Variants in GRIK1 observed in about 807,000 individuals in gnomAD.
GRIK1 encodes glutamate ionotropic receptor kainate type subunit 1, also known as glutamate receptor ionotropic, kainate 1.
A neutral mutation model predicts 105.7 loss-of-function variants in GRIK1; 69 were observed. That is an observed-to-expected ratio of 0.65 (90% CI 0.54 to 0.80). The LOEUF (loss-of-function observed/expected upper bound fraction) is 0.80. Among genes scored for constraint, GRIK1 ranks in the 30% least tolerant of loss-of-function variants. The pLI, the probability that GRIK1 is intolerant of heterozygous loss-of-function variation, is 0.00. For missense variants in GRIK1, 1,109 were observed against 1,167.3 expected, an observed-to-expected ratio of 0.95 and a Z score of 0.73; for synonymous variants, 438 against 431.3, an observed-to-expected ratio of 1.02 and a Z score of -0.19.
intron 7 of GRIK1, among the ~76,000 whole-genome samples, chr21:29,630,953 C>A (rs932185945): frequency 2.0e-5 from 3 of 151,928 alleles, no homozygotes; most frequent in Non-Finnish European, 4.4e-5. Flanking sequence ...CACTACTATG[C>A]CCAGCTAATT....
chr21:29,847,368 G>A (rs192964739), intron 1 of GRIK1, among the ~76,000 whole-genome samples: 1 of 152,202 alleles, frequency 6.6e-6, no homozygotes, highest in Admixed American at 6.5e-5. Flanking sequence ...GGCCCAGGCG[G>A]GTGGATCACT....
intron 1 of GRIK1, among the ~76,000 whole-genome samples, chr21:29,849,896 T>C (rs1488755964): frequency 6.6e-6 from 1 of 152,172 alleles, no homozygotes; most frequent in Non-Finnish European, 1.5e-5. Flanking sequence ...TGGTGCCCTC[T>C]GGTGCCTCTA....
At chr21:29,789,859 T>C (rs946376541) in intron 1 of GRIK1, among the ~76,000 whole-genome samples, 1 of 152,070 alleles carries the variant, frequency 6.6e-6, no homozygotes. Flanking sequence ...TTTATTTCCG[T>C]GTTGTGAACT....
intron 1 of GRIK1, among the ~76,000 whole-genome samples, chr21:29,869,671 C>A (rs910774704): frequency 6.6e-6 from 1 of 152,126 alleles, no homozygotes; most frequent in Non-Finnish European, 1.5e-5. Flanking sequence ...TAAGTGTAAA[C>A]CCCTGCCCAT....
Position 29,779,335 on chromosome 21 carries a change from AGTGT to A in GRIK1, c.119-85276_119-85273del, listed in dbSNP as rs3054347. ...AAAATATTTTGGAGGTCAGTGAGTG[AGTGT>A]GTGTGTGTGTGTGTGTGTGTGTGCA... On this transcript the variant is annotated intron_variant, in intron 1 of 17. Coordinates refer to ENST00000327783, the MANE Select transcript of GRIK1 (RefSeq NM_001330994.2). 5.7e-3 allele frequency among the ~76,000 whole-genome samples: 849 copies of A among 149,808 alleles called. 9 individuals carry two copies. Among genetic ancestry groups the A allele is most frequent in the African/African-American group, 0.011 (448 of 40,880 alleles).
intron 1 of GRIK1, among the ~76,000 whole-genome samples, chr21:29,927,618 A>G (rs1486898310): frequency 6.6e-6 from 1 of 151,602 alleles, no homozygotes; most frequent in Non-Finnish European, 1.5e-5. Flanking sequence ...CACACCTGTA[A>G]TCCCAGCACT....
At position 29,727,195 on chromosome 21, in the gene GRIK1, G is replaced by A. The variant is rs117104602; in HGVS notation, c.119-33132C>T. Among the ~76,000 whole-genome samples the A allele has an allele frequency of 5.3e-5, 8 of 152,226 alleles. No homozygotes were observed. The East Asian group carries it at 1.5e-3, about 29-fold the overall frequency. ...TCTGCCTCAGCCTTCCAAAGTGCTGGGATTACAGGCATGAGCTACCGTGCT... is the reference window on the plus strand; with the variant it reads ...TCTGCCTCAGCCTTCCAAAGTGCTGAGATTACAGGCATGAGCTACCGTGCT... On this transcript the variant is annotated intron_variant, in intron 1 of 17. Coordinates refer to ENST00000327783, the MANE Select transcript of GRIK1 (RefSeq NM_001330994.2).
At chr21:29,815,652 T>C (rs558801950) in intron 1 of GRIK1, among the ~76,000 whole-genome samples, 46 of 152,300 alleles carry the variant, frequency 3.0e-4, no homozygotes, top group Non-Finnish European at 5.0e-4. Context: ...ATAAAAAGAA[T>C]GCATTTATAA....
At chr21:29,808,993 A>G (rs1463549789) in intron 1 of GRIK1, among the ~76,000 whole-genome samples, 1 of 152,148 alleles carries the variant, frequency 6.6e-6, no homozygotes, top group Admixed American at 6.5e-5. Context: ...TTTTCTCTCC[A>G]TCCTTGACAA....
intron 1 of GRIK1, among the ~76,000 whole-genome samples, chr21:29,922,270 A>C (rs1197659852): frequency 3.9e-5 from 6 of 152,202 alleles, no homozygotes; most frequent in African/African-American, 1.4e-4. Flanking sequence ...TGTCCAATAA[A>C]GAATATCTGA....
intron 9 of GRIK1, among the ~76,000 whole-genome samples, chr21:29,594,930 G>C (rs115397749): frequency 1.3e-5 from 2 of 152,264 alleles, no homozygotes; most frequent in East Asian, 3.9e-4. Context: ...GTCAGAGTAC[G>C]AGGAAAGCTT....
intron 7 of GRIK1, among the ~76,000 whole-genome samples, chr21:29,640,560 T>A (rs964057015): frequency 6.6e-6 from 1 of 152,220 alleles, no homozygotes; most frequent in African/African-American, 2.4e-5. Flanking sequence ...GAATATAAAA[T>A]GCCTTCTTAT....
intron 1 of GRIK1, among the ~76,000 whole-genome samples, chr21:29,927,757 G>A: frequency 6.6e-6 from 1 of 152,002 alleles, no homozygotes; most frequent in Non-Finnish European, 1.5e-5. Context: ...TGTAGTCCCA[G>A]CTACTTAGGA....
chr21:29,595,184 C>A (rs560500658), intron 9 of GRIK1, among the ~76,000 whole-genome samples: 1 of 151,996 alleles, frequency 6.6e-6, no homozygotes, highest in Non-Finnish European at 1.5e-5. Context: ...AAAGTTACAA[C>A]CCTCGGGAGT....
intron 1 of GRIK1, among the ~76,000 whole-genome samples, chr21:29,833,235 T>A (rs1047127870): frequency 6.6e-6 from 1 of 152,144 alleles, no homozygotes; most frequent in South Asian, 2.1e-4. Flanking sequence ...ATTCAACAAG[T>A]CTCTAGGAAG....
chr21:29,899,230 T>G (rs1445042431), intron 1 of GRIK1, among the ~76,000 whole-genome samples: 1 of 152,212 alleles, frequency 6.6e-6, no homozygotes, highest in African/African-American at 2.4e-5. Flanking sequence ...CTGAGGTCAT[T>G]CAGGGCTTTT....
rs754516450 is a variant in GRIK1, at chr21:29,939,509, C to T, written c.-9G>A. 1.6e-5 allele frequency: 24 copies of T among 1,532,198 alleles called. No individual in the cohort carries two copies. The highest frequency in any genetic ancestry group is 3.4e-4 in the Middle Eastern group (2 of 5,804). 94.9% of individuals were successfully genotyped at this position (1,532,198 alleles called of 1,614,324 possible). The stretch of plus-strand genomic sequence containing the variant: ...AGTGTGCCGTGCTCCATCTTCCTAG[C>T]TTCTTAATTCATGCCGAGATACAGC... On this transcript the variant is annotated 5_prime_UTR_variant, in exon 1 of 18. Coordinates refer to ENST00000327783, the MANE Select transcript of GRIK1 (RefSeq NM_001330994.2).
intron 1 of GRIK1, among the ~76,000 whole-genome samples, chr21:29,736,178 AGATACT>A (rs2064786011): frequency 6.6e-6 from 1 of 151,176 alleles, no homozygotes; most frequent in Non-Finnish European, 1.5e-5. Context: ...TATAAAAATC[AGATACT>A]GTCTGAAAAC....
chr21:29,574,314 C>T (rs537480888), intron 14 of GRIK1, among the ~76,000 whole-genome samples: 3 of 152,364 alleles, frequency 2.0e-5, no homozygotes, highest in African/African-American at 7.2e-5. Context: ...CTTTCCCTTA[C>T]ATTTGTGCTG....
Sources: allele counts gnomAD v4.1 joint callset (sites outside exome capture counted in the v4.1 genomes callset), GRCh38; gene constraint gnomAD v4.1.1; transcripts MANE v1.5; gene names NCBI Gene and HGNC (gene_info 2026-07-23, HGNC 2026-07-21).